Variants in COPG2 observed in about 807,000 individuals in gnomAD.
The protein encoded by COPG2 is coatomer subunit gamma-2.
COPG2 carries 37 observed loss-of-function variants against 46.3 expected under a neutral mutation model. The ratio of observed to expected loss-of-function variants is 0.80; its 90% confidence interval spans 0.61 to 1.05. COPG2 has a LOEUF of 1.05. Ranked by LOEUF, COPG2 falls within the 50% of genes least tolerant of loss-of-function variation. The pLI, the probability that COPG2 is intolerant of heterozygous loss-of-function variation, is 0.00. For synonymous variants in COPG2, 159 were observed against 129.7 expected (o/e 1.23, Z -1.53); for missense variants, 427 against 387.8 (o/e 1.10, Z -0.85).
At chr7:130,667,718 C>T (rs1046476572) in intron 1 of COPG2, among the ~76,000 whole-genome samples, 184 bp from the exon 2 acceptor site, 16 of 152,168 alleles carry the variant, frequency 1.1e-4, no homozygotes, top group African/African-American at 3.9e-4. Context: ...CTGCCATACT[C>T]GAAGAGCTGA....
In COPG2 at chr7:130,513,307, AAATATATATATATATATAT is replaced by A. The variant is rs1469987993; in HGVS notation, c.2150-4667_2150-4649del. 2.1e-4 allele frequency among the ~76,000 whole-genome samples: 10 copies of A among 47,716 alleles called. 1 individual carries two copies. The highest frequency in any genetic ancestry group is 3.1e-4 in the Admixed American group (1 of 3,204). 31.3% of individuals were successfully genotyped at this position (47,716 alleles called of 152,430 possible). On this transcript the variant is annotated intron_variant, in intron 20 of 23. Coordinates refer to ENST00000425248, the MANE Select transcript of COPG2 (RefSeq NM_012133.6). The stretch of plus-strand genomic sequence containing the variant: ...ATTCTGTCTAAAAAAAAAAAAAAAA[AAATATATATATATATATAT>A]ATATATATATATATATGTGTGTGTG...
At chr7:130,526,728 G>C (rs1799777735) in intron 20 of COPG2, among the ~76,000 whole-genome samples, 1 of 151,650 alleles carries the variant, frequency 6.6e-6, no homozygotes, top group Non-Finnish European at 1.5e-5. Flanking sequence ...GGACAGCAAT[G>C]GGCAGGAAGG....
intron 9 of COPG2, among the ~76,000 whole-genome samples, chr7:130,565,266 C>T (rs1007489922): frequency 2.6e-5 from 4 of 152,156 alleles, no homozygotes; most frequent in Admixed American, 6.5e-5. Context: ...ACACAGCACC[C>T]GTTGGAAAAT....
chr7:130,630,398 C>T (rs942767856), intron 5 of COPG2, among the ~76,000 whole-genome samples: 8 of 152,142 alleles, frequency 5.3e-5, no homozygotes, highest in African/African-American at 1.9e-4. Context: ...GCATATTGAT[C>T]TTGTATTCTG....
chr7:130,521,744 C>A (rs1021776565), intron 20 of COPG2, among the ~76,000 whole-genome samples: 6 of 152,046 alleles, frequency 3.9e-5, no homozygotes, highest in African/African-American at 1.2e-4. Context: ...AAACACAGGG[C>A]AAATCAGCTT....
intron 5 of COPG2, among the ~76,000 whole-genome samples, chr7:130,647,441 G>A (rs1181043995): frequency 6.6e-6 from 1 of 152,090 alleles, no homozygotes; most frequent in Non-Finnish European, 1.5e-5. Flanking sequence ...ACCCTCATAA[G>A]GCTGTTATGA....
At chr7:130,623,773 C>T (rs1795074404) in intron 5 of COPG2, among the ~76,000 whole-genome samples, 1 of 152,004 alleles carries the variant, frequency 6.6e-6, no homozygotes, top group Admixed American at 6.6e-5. Context: ...ATTGCTTGAG[C>T]CAGGAGTTTG....
intron 4 of COPG2, among the ~76,000 whole-genome samples, chr7:130,661,066 T>C (rs1795968174): frequency 6.6e-6 from 1 of 152,226 alleles, no homozygotes; most frequent in African/African-American, 2.4e-5. Flanking sequence ...ACCATGTAGC[T>C]GGAGAAAAAC....
rs782607492 is a variant in COPG2 at position 130,646,999 on chromosome 7, G to GTA, written c.323+5868_323+5869dup. On this transcript the variant is annotated intron_variant, in intron 5 of 23. Coordinates refer to ENST00000425248, the MANE Select transcript of COPG2 (RefSeq NM_012133.6). ...TATATATATGTATATATATATATGT[G>GTA]TATATATATATGTATATATATATAT... 8.3e-3 allele frequency among the ~76,000 whole-genome samples: 316 copies of GTA among 38,224 alleles called. 2 individuals carry two copies. In the East Asian group the frequency reaches 0.089, roughly 11 times the overall value. The allele number at this position is 38,224 out of a possible 152,430, so 25.1% of individuals were successfully genotyped here.
chr7:130,602,481 T>C (rs529286935), intron 9 of COPG2, among the ~76,000 whole-genome samples: 19 of 152,274 alleles, frequency 1.2e-4, no homozygotes, highest in Non-Finnish European at 2.5e-4. Flanking sequence ...TTCCTTTTTT[T>C]ACTTTTTTTG....
At chr7:130,584,600 A>G in intron 9 of COPG2, among the ~76,000 whole-genome samples, 1 of 152,084 alleles carries the variant, frequency 6.6e-6, no homozygotes, top group East Asian at 1.9e-4. Flanking sequence ...TGATACAAGA[A>G]TTCAGCAAAG....
chr7:130,529,980 G>T (rs945025654), intron 20 of COPG2, among the ~76,000 whole-genome samples: 1 of 152,196 alleles, frequency 6.6e-6, no homozygotes, highest in Non-Finnish European at 1.5e-5. Flanking sequence ...TTAAGTGGGA[G>T]ATGTTTAGGT....
intron 5 of COPG2, among the ~76,000 whole-genome samples, chr7:130,629,911 TCTTTC>T (rs1181776240): frequency 6.6e-6 from 1 of 151,996 alleles, no homozygotes; most frequent in East Asian, 1.9e-4. Context: ...TTTGTTTCTT[TCTTTC>T]CTTTCCTTTT....
chr7:130,661,606 T>C (rs1027362989), intron 4 of COPG2, among the ~76,000 whole-genome samples: 1 of 152,146 alleles, frequency 6.6e-6, no homozygotes, highest in African/African-American at 2.4e-5. Context: ...CAGTTTCCAA[T>C]GGTAAAGGGG....
chr7:130,526,162 T>G (rs1382986036), intron 20 of COPG2, among the ~76,000 whole-genome samples: 1 of 151,356 alleles, frequency 6.6e-6, no homozygotes, highest in Non-Finnish European at 1.5e-5. Flanking sequence ...GGCTGGAGTG[T>G]AAGAGGGGAA....
At chr7:130,651,854 T>C (rs1241867023) in intron 5 of COPG2, among the ~76,000 whole-genome samples, 5 of 152,004 alleles carry the variant, frequency 3.3e-5, no homozygotes, top group Non-Finnish European at 7.4e-5. Flanking sequence ...AGTTTCACCA[T>C]GTTGGCCAGG....
chr7:130,532,552 T>G (rs895856397), intron 20 of COPG2, among the ~76,000 whole-genome samples: 64,640 of 151,448 alleles, frequency 0.43, 16,742 homozygotes, highest in East Asian at 0.6. Flanking sequence ...TGGGTGCATT[T>G]GTGTGGATGT....
chr7:130,603,216 C>G (rs145337531), intron 9 of COPG2, among the ~76,000 whole-genome samples: 1 of 152,134 alleles, frequency 6.6e-6, no homozygotes, highest in African/African-American at 2.4e-5. Context: ...TTCAATACCA[C>G]AGGTTAGTTG....
intron 20 of COPG2, among the ~76,000 whole-genome samples, chr7:130,530,700 G>T (rs1269735617): frequency 6.6e-6 from 1 of 152,090 alleles, no homozygotes; most frequent in Admixed American, 6.5e-5. Context: ...AAGGGGAAAG[G>T]CTTCAAGAAA....
Sources: allele counts gnomAD v4.1 joint callset (sites outside exome capture counted in the v4.1 genomes callset), GRCh38; gene constraint gnomAD v4.1.1; transcripts MANE v1.5; gene names NCBI Gene and HGNC (gene_info 2026-07-23, HGNC 2026-07-21).